Variants in PALB2 observed in about 807,000 individuals in gnomAD.
The protein encoded by PALB2 is mutant partner and localizer of BRCA2.
A neutral mutation model predicts 107.4 loss-of-function variants in PALB2; 82 were observed. The observed-to-expected ratio is 0.76, with a 90% confidence interval of 0.64 to 0.92. PALB2 has a LOEUF of 0.92. Ranked by LOEUF, PALB2 falls within the 40% of genes least tolerant of loss-of-function variation. The pLI, the probability that PALB2 is intolerant of heterozygous loss-of-function variation, is 0.00. For synonymous variants in PALB2, 489 were observed against 496.8 expected (o/e 0.98, Z 0.21); for missense variants, 1,374 against 1,379.9 (o/e 1.00, Z 0.07).
At chr16:23,611,462 TA>T (rs773101106) in intron 11 of PALB2, among the ~76,000 whole-genome samples, 12 of 139,408 alleles carry the variant, frequency 8.6e-5, no homozygotes, top group Middle Eastern at 3.8e-3. Context: ...TTATTATTAT[TA>T]TTATTTTTTT....
chr16:23,641,031 C>T (rs910819413), intron 1 of PALB2, 79 bp downstream of exon 1: 190 of 1,536,928 alleles, frequency 1.2e-4, no homozygotes, highest in Middle Eastern at 1.7e-4. Flanking sequence ...CTCGGACTGC[C>T]GAGGACACAA....
chr16:23,638,382 A>G, intron 1 of PALB2: 1 of 554,482 alleles, frequency 1.8e-6, no homozygotes, highest in South Asian at 2.0e-5. Context: ...TTAGATTTTT[A>G]TTTCCCTGGG....
intron 12 of PALB2, chr16:23,605,997 TG>T (rs1336051437): frequency 6.6e-6 from 1 of 152,182 alleles, no homozygotes; most frequent in Non-Finnish European, 1.5e-5. Context: ...ACCCAGTCTG[TG>T]GTATTTTGTT....
intron 4 of PALB2, among the ~76,000 whole-genome samples, chr16:23,632,878 G>A (rs981198097): frequency 1.3e-5 from 2 of 152,202 alleles, no homozygotes; most frequent in African/African-American, 4.8e-5. Context: ...TAGATCACCT[G>A]AGGTCAGGAG....
intron 12 of PALB2, among the ~76,000 whole-genome samples, chr16:23,604,627 G>A (rs1488958592): frequency 3.3e-5 from 5 of 151,896 alleles, no homozygotes; most frequent in African/African-American, 9.7e-5. Context: ...TTAGCCAGGC[G>A]TGGTGGCACA....
At chr16:23,607,037 C>G (rs1373040059) in intron 12 of PALB2, among the ~76,000 whole-genome samples, 2 of 151,912 alleles carry the variant, frequency 1.3e-5, no homozygotes, top group Non-Finnish European at 2.9e-5. Context: ...TGGTGAACTC[C>G]TGACCTCATG....
intron 11 of PALB2, among the ~76,000 whole-genome samples, chr16:23,611,463 A>AT (rs113152571): frequency 0.019 from 2,797 of 146,400 alleles, 86 homozygotes; most frequent in African/African-American, 0.064. Flanking sequence ...TATTATTATT[A>AT]TTATTTTTTT....
In PALB2 at chr16:23,641,275, G is replaced by C; in HGVS notation, c.-118C>G. Reference sequence around the variant, plus strand: ...AGGAAGGAATGGGGAGCCCGGGATCGCACCCTCAGTGCGCGATCAGCTGAC... The same window carrying C: ...AGGAAGGAATGGGGAGCCCGGGATCCCACCCTCAGTGCGCGATCAGCTGAC... On this transcript the variant is annotated 5_prime_UTR_variant, in exon 1 of 13. Transcript: ENST00000261584. The C allele has an allele frequency of 2.2e-6, 3 of 1,342,392 alleles. No individual in the cohort carries two copies. Among genetic ancestry groups the C allele is most frequent in the Non-Finnish European group, 3.1e-6 (3 of 964,528 alleles). The allele number at this position is 1,342,392 out of a possible 1,614,324, so 83.2% of individuals were successfully genotyped here.
rs1555460548 is a variant in PALB2 at position 23,630,181 on chromosome 16, TC to T, written c.1972del (p.Glu658AsnfsTer2). On this transcript the variant is annotated frameshift_variant, in exon 5 of 13. Transcript: ENST00000261584. LOFTEE classifies it high-confidence loss of function. ...LKEGSCIFPE[E>X]LSPKRMDTEM... ...TGTATCCATGCGTTTAGGACTCAGT[TC>T]CTCTGGAAAAATACAGCTTCCCTCT... 1 of 1,614,096 alleles carries T rather than the reference TC, an allele frequency of 6.2e-7. No individual in the cohort carries two copies. Among genetic ancestry groups the T allele is most frequent in the African/African-American group, 1.3e-5 (1 of 74,940 alleles).
Position 23,603,426 on chromosome 16 carries a change from A to T in PALB2, c.*33T>A. 1.3e-6 allele frequency: 2 copies of T among 1,553,490 alleles called. No homozygotes were observed. Among genetic ancestry groups the T allele is most frequent in the South Asian group, 1.1e-5 (1 of 89,660 alleles). ...CAAAAAATACTAAGAGGCCCAATAT[A>T]TCCAGAAAATTGTGTTTTCACTTTA... is the stretch of plus-strand genomic sequence containing the variant. On this transcript the variant is annotated 3_prime_UTR_variant, in exon 13 of 13. Coordinates refer to ENST00000261584, the MANE Select transcript of PALB2 (RefSeq NM_024675.4).
chr16:23,612,207 G>A (rs1422570757), intron 11 of PALB2, among the ~76,000 whole-genome samples: 1 of 152,106 alleles, frequency 6.6e-6, no homozygotes, highest in Non-Finnish European at 1.5e-5. Flanking sequence ...TAGATTGTGA[G>A]TCAAGGCTTT....
intron 12 of PALB2, among the ~76,000 whole-genome samples, chr16:23,606,360 G>A (rs962469641): frequency 1.1e-4 from 17 of 152,128 alleles, no homozygotes; most frequent in Non-Finnish European, 1.0e-4. Context: ...AGCTGAGATC[G>A]TGCCACTGCA....
Position 23,635,150 on chromosome 16 carries a change from A to C in PALB2, c.1396T>G (p.Ser466Ala), listed in dbSNP as rs1966971889. ...EETDQSEIRM[S>A]GTCTGQPSSR... ...CTTGGTTGTCCTGTGCATGTGCCAG[A>C]CATCCTAATTTCACTTTGGTCAGTT... Residue 466 changes from serine to alanine, a missense_variant, in exon 4 of 13, where the codon TCT becomes GCT. Transcript: ENST00000261584. 6.2e-7 allele frequency: 1 copy of C among 1,614,080 alleles called. No individual in the cohort carries two copies. The highest frequency in any genetic ancestry group is 1.7e-5 in the Admixed American group (1 of 59,996).
chr16:23,639,847 G>A (rs1277796754), intron 1 of PALB2, among the ~76,000 whole-genome samples: 1 of 152,016 alleles, frequency 6.6e-6, no homozygotes, highest in Non-Finnish European at 1.5e-5. Context: ...AAACCTATGT[G>A]CAAAACATGC....
At chr16:23,640,237 A>C (rs961014278) in intron 1 of PALB2, 3 of 184,486 alleles carry the variant, frequency 1.6e-5, no homozygotes, top group African/African-American at 7.0e-5. Context: ...TTTACTTATA[A>C]ATGATCTTTC....
chr16:23,628,523 A>T (rs1003261851), intron 6 of PALB2, among the ~76,000 whole-genome samples: 2 of 152,226 alleles, frequency 1.3e-5, no homozygotes, highest in Non-Finnish European at 2.9e-5. Flanking sequence ...TAACCACTAG[A>T]ACTGCTCCCC....
At chr16:23,638,249 A>G (rs992910510) in intron 1 of PALB2, 120 bp from the exon 2 acceptor site, 13 of 802,552 alleles carry the variant, frequency 1.6e-5, no homozygotes, top group Admixed American at 1.1e-4. Flanking sequence ...GTCCATAACA[A>G]TCTACTTTTG....
rs786202846 is a variant in PALB2, at chr16:23,629,843, T to C, written c.2311A>G (p.Ser771Gly). The C allele has an allele frequency of 1.2e-6, 2 of 1,614,102 alleles. No homozygotes were observed. Among genetic ancestry groups the C allele is most frequent in the Non-Finnish European group, 1.7e-6 (2 of 1,180,036 alleles). ...GAACTGTCGAATTGTTTAGTATCACTGGCAAGACAGACTGAGTCTTTCAAA... is the reference window on the plus strand; with the variant it reads ...GAACTGTCGAATTGTTTAGTATCACCGGCAAGACAGACTGAGTCTTTCAAA... ...AHLKDSVCLA[S>G]DTKQFDSSGS... Residue 771 changes from serine to glycine, a missense_variant, in exon 5 of 13, where the codon AGT becomes GGT. Ser to Gly is a moderately conservative substitution (Grantham distance 56). Transcript: ENST00000261584.
At chr16:23,624,154 A>G (rs904546194) in intron 7 of PALB2, 60 bp from the exon 8 acceptor site, 5 of 1,164,158 alleles carry the variant, frequency 4.3e-6, no homozygotes, top group Non-Finnish European at 6.4e-6. Context: ...TTTAATCCAG[A>G]TTTTCCAAAA....
Sources: gnomAD v4.1 joint callset for allele counts (sites outside exome capture counted in the v4.1 genomes callset) on GRCh38, gnomAD v4.1.1 for gene constraint, MANE v1.5 for transcripts, NCBI Gene and HGNC (gene_info 2026-07-23, HGNC 2026-07-21) for gene names.